The following INPP4B variants were observed in gnomAD, a reference collection of about 807,000 sequenced individuals.
The protein encoded by INPP4B is inositol polyphosphate-4-phosphatase type II B, also known as inositol polyphosphate 4-phosphatase type II.
Under a neutral mutation model 122.5 loss-of-function variants are expected in INPP4B, and 55 were observed. That is an observed-to-expected ratio of 0.45 (90% confidence interval 0.36 to 0.56). The LOEUF (loss-of-function observed/expected upper bound fraction) is 0.56, where lower values mean the gene tolerates loss of function less well. Among genes scored for constraint, INPP4B ranks in the 20% least tolerant of loss-of-function variants. The pLI, the probability that INPP4B is intolerant of heterozygous loss-of-function variation, is 0.00. For synonymous variants in INPP4B, 403 were observed against 388.7 expected, an observed-to-expected ratio of 1.04 and a Z score of -0.43; for missense variants, 1,000 against 1,097.7, an observed-to-expected ratio of 0.91 and a Z score of 1.26.
intron 12 of INPP4B, among the ~76,000 whole-genome samples, chr4:142,218,548 A>G (rs1194987334): frequency 2.0e-5 from 3 of 152,258 alleles, no homozygotes; most frequent in South Asian, 2.1e-4. Context: ...AAATGTATAC[A>G]GCAAAGGATA....
intron 17 of INPP4B, among the ~76,000 whole-genome samples, chr4:142,152,420 C>G (rs1814706334): frequency 6.6e-6 from 1 of 151,792 alleles, no homozygotes; most frequent in Non-Finnish European, 1.5e-5. Context: ...AATGTAATGA[C>G]TATTATTTTT....
At chr4:142,106,894 A>C (rs1281970861) in intron 23 of INPP4B, among the ~76,000 whole-genome samples, 2 of 152,172 alleles carry the variant, frequency 1.3e-5, no homozygotes, top group Non-Finnish European at 2.9e-5. Flanking sequence ...TACTGACAAA[A>C]ATTCTGAGAC....
intron 7 of INPP4B, among the ~76,000 whole-genome samples, chr4:142,369,266 C>A (rs1221764374): frequency 6.6e-6 from 1 of 151,946 alleles, no homozygotes; most frequent in Non-Finnish European, 1.5e-5. Flanking sequence ...AGGCTTCATC[C>A]CCCCATATTT....
At chr4:142,531,755 C>G (rs890918908) in intron 2 of INPP4B, among the ~76,000 whole-genome samples, 1 of 151,904 alleles carries the variant, frequency 6.6e-6, no homozygotes, top group Non-Finnish European at 1.5e-5. Context: ...AAGACCCTAC[C>G]AAATATAGTA....
chr4:142,387,278 T>C (rs965275200), intron 7 of INPP4B, among the ~76,000 whole-genome samples: 3 of 152,112 alleles, frequency 2.0e-5, no homozygotes, highest in Non-Finnish European at 4.4e-5. Context: ...GGAAATGTCA[T>C]TGGCTAAGTC....
At chr4:142,068,744 C>G (rs1201406926) in intron 25 of INPP4B, among the ~76,000 whole-genome samples, 2 of 152,198 alleles carry the variant, frequency 1.3e-5, no homozygotes, top group Non-Finnish European at 2.9e-5. Context: ...AAGGCCATTA[C>G]ATAATGGTAA....
At chr4:142,178,664 G>A (rs1221213423) in intron 15 of INPP4B, among the ~76,000 whole-genome samples, 2 of 152,024 alleles carry the variant, frequency 1.3e-5, no homozygotes, top group East Asian at 3.9e-4. Context: ...AAACAAGAAG[G>A]AAAAGACAGG....
intron 2 of INPP4B, among the ~76,000 whole-genome samples, chr4:142,723,698 A>C (rs147843714): frequency 4.3e-4 from 65 of 152,284 alleles, no homozygotes; most frequent in African/African-American, 1.4e-3. Context: ...ATGTATACTA[A>C]GAAAAGCTGA....
rs1421322428 is a variant in INPP4B, at chr4:142,245,913, TATATATGTGTATGTATAC to T, written c.689-7920_689-7903del. On this transcript the variant is annotated intron_variant, in intron 11 of 25. Transcript: ENST00000262992. ...GTATACATATATGTGTATGTATACA[TATATATGTGTATGTATAC>T]ATATATGTGTATGTATACATATATA... is the stretch of plus-strand genomic sequence containing the variant. 1.9e-4 allele frequency among the ~76,000 whole-genome samples: 5 copies of T among 26,768 alleles called. 1 individual carries two copies. Among genetic ancestry groups the T allele is most frequent in the African/African-American group, 5.7e-4 (5 of 8,844 alleles). 17.6% of individuals were successfully genotyped at this position (26,768 alleles called of 152,430 possible). A position where few individuals can be genotyped will look rare whatever the true frequency, so the allele number is the denominator to read the frequency against.
chr4:142,286,316 AAATGGCC>A (rs1420957187), intron 9 of INPP4B, among the ~76,000 whole-genome samples: 1 of 152,222 alleles, frequency 6.6e-6, no homozygotes, highest in Non-Finnish European at 1.5e-5. Context: ...ATTAGTAGTT[AAATGGCC>A]TTTGTCATCT....
Position 142,260,576 on chromosome 4 carries a change from TG to T in INPP4B, c.616-13del. The T allele has an allele frequency of 1.4e-6, 2 of 1,454,242 alleles. No individual in the cohort carries two copies. The highest frequency in any genetic ancestry group is 1.8e-6 in the Non-Finnish European group (2 of 1,093,140). The allele number at this position is 1,454,242 out of a possible 1,614,324, so 90.1% of individuals were successfully genotyped here. On this transcript the variant is annotated splice_polypyrimidine_tract_variant and intron_variant, in intron 10 of 25. Coordinates refer to ENST00000262992, the MANE Select transcript of INPP4B (RefSeq NM_001101669.3). ...CATACCAGGGCACACTAGGAAAAAA[TG>T]TAAAAAAAAAAAAAAAATTTTGAGA... is the stretch of plus-strand genomic sequence containing the variant.
At chr4:142,479,726 A>G (rs1434590065) in intron 2 of INPP4B, among the ~76,000 whole-genome samples, 3 of 152,120 alleles carry the variant, frequency 2.0e-5, no homozygotes, top group Non-Finnish European at 4.4e-5. Context: ...ACCAAATACC[A>G]CATATTCTCA....
chr4:142,492,033 A>G (rs1026553965), intron 2 of INPP4B, among the ~76,000 whole-genome samples: 1 of 152,140 alleles, frequency 6.6e-6, no homozygotes, highest in Non-Finnish European at 1.5e-5. Flanking sequence ...TAACTGAATC[A>G]TGGGAGCAGT....
intron 2 of INPP4B, among the ~76,000 whole-genome samples, chr4:142,565,650 G>C (rs1400468048): frequency 6.6e-6 from 1 of 152,090 alleles, no homozygotes; most frequent in Admixed American, 6.5e-5. Context: ...AGTGGCAAAG[G>C]TGTGATAAAT....
At chr4:142,532,810 T>C (rs1370721544) in intron 2 of INPP4B, among the ~76,000 whole-genome samples, 1 of 152,200 alleles carries the variant, frequency 6.6e-6, no homozygotes, top group Non-Finnish European at 1.5e-5. Context: ...ATGAAATGGA[T>C]ACTTGTAAAA....
At chr4:142,611,040 A>G (rs1742381950) in intron 2 of INPP4B, among the ~76,000 whole-genome samples, 1 of 152,192 alleles carries the variant, frequency 6.6e-6, no homozygotes. Context: ...TCTGCAGGAT[A>G]TACAGAAAGA....
At chr4:142,775,975 C>A (rs1773854158) in intron 1 of INPP4B, among the ~76,000 whole-genome samples, 1 of 151,958 alleles carries the variant, frequency 6.6e-6, no homozygotes. Context: ...TTCATTTTAG[C>A]CTATTGATAT....
intron 1 of INPP4B, among the ~76,000 whole-genome samples, chr4:142,765,525 G>T (rs1412386745): frequency 2.0e-5 from 3 of 152,114 alleles, no homozygotes; most frequent in African/African-American, 7.2e-5. Flanking sequence ...GGTGGTCCTT[G>T]TAATTGAAAA....
At chr4:142,537,182 A>G (rs1379214982) in intron 2 of INPP4B, among the ~76,000 whole-genome samples, 1 of 151,930 alleles carries the variant, frequency 6.6e-6, no homozygotes, top group Non-Finnish European at 1.5e-5. Flanking sequence ...TGAAAGCTTC[A>G]GAGTCCTGAG....
Sources: allele counts gnomAD v4.1 joint callset (sites outside exome capture counted in the v4.1 genomes callset), GRCh38; gene constraint gnomAD v4.1.1; transcripts MANE v1.5; gene names NCBI Gene and HGNC (gene_info 2026-07-23, HGNC 2026-07-21).